The following PHACTR2 variants were observed in gnomAD, a reference collection of about 807,000 sequenced individuals.
PHACTR2 encodes phosphatase and actin regulator 2.
A neutral mutation model predicts 76.0 loss-of-function variants in PHACTR2; 30 were observed. The observed-to-expected ratio is 0.39, with a 90% CI of 0.30 to 0.54. The LOEUF (loss-of-function observed/expected upper bound fraction) is 0.54, where lower values mean the gene tolerates loss of function less well. Among genes scored for constraint, PHACTR2 ranks in the 20% least tolerant of loss-of-function variants. PHACTR2 has a pLI of 0.61. For missense variants in PHACTR2, 696 were observed against 781.1 expected (o/e 0.89, Z 1.30); for synonymous variants, 292 against 292.5 (o/e 1.00, Z 0.02).
rs1283090605 is a variant in PHACTR2 at position 143,689,094 on chromosome 6, G to C, written c.46+10885G>C. Among the ~76,000 whole-genome samples the C allele has an allele frequency of 6.6e-6, 1 of 152,120 alleles. No homozygotes were observed. The highest frequency in any genetic ancestry group is 1.5e-5 in the Non-Finnish European group (1 of 68,020). The stretch of plus-strand genomic sequence containing the variant: ...TTGGCCGTTGCTGCACCCTGTTTGA[G>C]ACACTCTTCCCTTCGCTCTTCGCCA... On this transcript the variant is annotated intron_variant, in intron 1 of 12. Transcript: ENST00000440869. This position sits in a 1 kb window ranked among gnomAD's most constrained non-coding sequence, Gnocchi z 4.4.
At position 143,767,031 on chromosome 6, in the gene PHACTR2, A is replaced by G. The variant is rs1779578100; in HGVS notation, c.1232+1233A>G. 6.6e-6 allele frequency among the ~76,000 whole-genome samples: 1 copy of G among 152,210 alleles called. No individual in the cohort carries two copies. The highest frequency in any genetic ancestry group is 2.1e-4 in the South Asian group (1 of 4,834). ...TGTTAGACTTAAAAAAAATTATTAC[A>G]TTAATTAGGTTGGTTTTGGTCAAGA... On this transcript the variant is annotated intron_variant, in intron 6 of 12. Coordinates refer to ENST00000440869, the MANE Select transcript of PHACTR2 (RefSeq NM_001100164.2). The surrounding 1 kb of genome is among the most constrained non-coding windows in gnomAD (Gnocchi z 4.4).
chr6:143,702,318 G>T (rs561738404), intron 1 of PHACTR2, among the ~76,000 whole-genome samples: 1 of 151,820 alleles, frequency 6.6e-6, no homozygotes, highest in Non-Finnish European at 1.5e-5. Context: ...CATGTTGGCC[G>T]GGATGGTCTC....
At chr6:143,714,863 A>C (rs1291368981) in intron 2 of PHACTR2, among the ~76,000 whole-genome samples, 2 of 151,536 alleles carry the variant, frequency 1.3e-5, no homozygotes, top group South Asian at 2.1e-4. Context: ...TTTTGCTTTG[A>C]TTTGATTTGA....
At position 143,596,333 on chromosome 6, in the gene PHACTR2, A is replaced by G. The variant is rs1191643632; in HGVS notation, c.217+59126A>G. On this transcript the variant is annotated intron_variant, in intron 1 of 11. Coordinates refer to the PHACTR2 transcript ENST00000367584. This position sits in a 1 kb window ranked among gnomAD's most constrained non-coding sequence, Gnocchi z 4.6. ...CTAACTAAGCGGGTCGTCCTTTCTC[A>G]GAAGGTTTATTTCTTGGTGGTGATC... 6.6e-6 allele frequency among the ~76,000 whole-genome samples: 1 copy of G among 151,594 alleles called. No individual in the cohort carries two copies. Among genetic ancestry groups the G allele is most frequent in the African/African-American group, 2.4e-5 (1 of 41,266 alleles).
rs1161720087 is a variant in PHACTR2, at chr6:143,795,134, C to T, written c.1845+6224C>T. 2.6e-5 allele frequency among the ~76,000 whole-genome samples: 4 copies of T among 152,088 alleles called. No individual in the cohort carries two copies. Among genetic ancestry groups the T allele is most frequent in the African/African-American group, 4.8e-5 (2 of 41,408 alleles). ...CACCTTTAAAATAAAATTTTCAGGT[C>T]GGGGCACAATGACTCACACTTGTAA... On this transcript the variant is annotated intron_variant, in intron 11 of 12. Transcript: ENST00000440869. The surrounding 1 kb of genome is among the most constrained non-coding windows in gnomAD (Gnocchi z 4.8).
At chr6:143,713,917 C>G (rs976094509) in intron 2 of PHACTR2, among the ~76,000 whole-genome samples, 1 of 152,084 alleles carries the variant, frequency 6.6e-6, no homozygotes, top group Non-Finnish European at 1.5e-5. Context: ...CGTACGAAAA[C>G]GAACATAAGA....
chr6:143,764,734 A>C lies in PHACTR2; in HGVS notation c.695-527A>C, dbSNP rs1393635871. ...AAAGCTGGTGTGGATTTTCTCTTTT[A>C]GCAGTAAGATGAGTGATTTTGTTTT... On this transcript the variant is annotated intron_variant, in intron 5 of 12. Coordinates refer to ENST00000440869, the MANE Select transcript of PHACTR2 (RefSeq NM_001100164.2). This position sits in a 1 kb window ranked among gnomAD's most constrained non-coding sequence, Gnocchi z 4.7. Among the ~76,000 whole-genome samples, 1 of 152,094 alleles carries C rather than the reference A, an allele frequency of 6.6e-6. No homozygotes were observed. Among genetic ancestry groups the C allele is most frequent in the Non-Finnish European group, 1.5e-5 (1 of 68,002 alleles).
intron 1 of PHACTR2, among the ~76,000 whole-genome samples, chr6:143,542,251 T>G (rs1395651446): frequency 2.0e-5 from 3 of 152,118 alleles, no homozygotes; most frequent in Non-Finnish European, 4.4e-5. Flanking sequence ...CACCCTTTTC[T>G]TTGCACAAAA....
chr6:143,564,183 A>ATG (rs1422717241), intron 1 of PHACTR2, among the ~76,000 whole-genome samples: 2 of 27,866 alleles, frequency 7.2e-5, no homozygotes, highest in African/African-American at 2.0e-4. Flanking sequence ...GTGTGTGTGT[A>ATG]TGTGTGTGTG....
At chr6:143,706,977 T>C (rs73778669) in intron 1 of PHACTR2, among the ~76,000 whole-genome samples, 3,292 of 152,274 alleles carry the variant, frequency 0.022, 113 homozygotes, top group African/African-American at 0.076. Flanking sequence ...ATTGTTTCAA[T>C]TGAGAGAGAG....
chr6:143,644,293 C>T (rs1421522101), intron 1 of PHACTR2, among the ~76,000 whole-genome samples: 1 of 151,858 alleles, frequency 6.6e-6, no homozygotes, highest in Non-Finnish European at 1.5e-5. Context: ...CGGTGAAACC[C>T]CATCTCTACT....
At chr6:143,813,700 A>G (rs1270287806) in intron 12 of PHACTR2, among the ~76,000 whole-genome samples, 2 of 151,262 alleles carry the variant, frequency 1.3e-5, no homozygotes, top group Admixed American at 1.3e-4. Context: ...GTGCTTTATT[A>G]TAGAGTGGGG....
intron 5 of PHACTR2, among the ~76,000 whole-genome samples, chr6:143,763,028 C>G (rs1389388962): frequency 6.6e-6 from 1 of 152,156 alleles, no homozygotes; most frequent in African/African-American, 2.4e-5. Context: ...TCTTTTTCCT[C>G]AAGCCAAACT....
intron 1 of PHACTR2, among the ~76,000 whole-genome samples, chr6:143,551,738 G>A (rs1286247200): frequency 1.3e-5 from 2 of 152,252 alleles, no homozygotes; most frequent in East Asian, 3.9e-4. Context: ...ATAGGGTTGA[G>A]GCTGCAATAA....
rs1373361495 is a variant in PHACTR2, at chr6:143,787,095, C to T, written c.1708-1678C>T. On this transcript the variant is annotated intron_variant, in intron 10 of 12. Transcript: ENST00000440869. This position sits in a 1 kb window ranked among gnomAD's most constrained non-coding sequence, Gnocchi z 4.6. ...ATACAAATCATCTTTCTCAATCCAG[C>T]TGGGCCCCTCCATGAGGCAGCAGTG... is the stretch of plus-strand genomic sequence containing the variant. 1.3e-5 allele frequency among the ~76,000 whole-genome samples: 2 copies of T among 152,320 alleles called. No homozygotes were observed. Among genetic ancestry groups the T allele is most frequent in the East Asian group, 3.9e-4 (2 of 5,186 alleles).
Position 143,743,195 on chromosome 6 carries a change from T to G in PHACTR2, c.215-5790T>G, listed in dbSNP as rs974462356. ...ACCCGAGAGGGATAGGGAAACAGTCTAAATTCTAGGAAGAAGGAACAATAC... is the reference window on the plus strand; with the variant it reads ...ACCCGAGAGGGATAGGGAAACAGTCGAAATTCTAGGAAGAAGGAACAATAC... On this transcript the variant is annotated intron_variant, in intron 2 of 12. Transcript: ENST00000440869. This position sits in a 1 kb window ranked among gnomAD's most constrained non-coding sequence, Gnocchi z 5.0. Among the ~76,000 whole-genome samples, 6 of 152,168 alleles carry G rather than the reference T, an allele frequency of 3.9e-5. No individual in the cohort carries two copies. Among genetic ancestry groups the G allele is most frequent in the African/African-American group, 1.4e-4 (6 of 41,446 alleles).
At position 143,647,834 on chromosome 6, in the gene PHACTR2, G is replaced by A. The variant is rs897531028; in HGVS notation, c.13+39512G>A. Among the ~76,000 whole-genome samples, 8 of 152,312 alleles carry A rather than the reference G, an allele frequency of 5.3e-5. No homozygotes were observed. The highest frequency in any genetic ancestry group is 3.3e-4 in the Admixed American group (5 of 15,300). On this transcript the variant is annotated intron_variant, in intron 1 of 11. Coordinates refer to the PHACTR2 transcript ENST00000305766. The surrounding 1 kb of genome is among the most constrained non-coding windows in gnomAD (Gnocchi z 4.2). ...GTGTGGCTGGAAAGGGCAGGTAAGG[G>A]AGAGCATAAGGGGAAATGGGCACAG...
chr6:143,690,195 G>A (rs1777612269), intron 1 of PHACTR2, among the ~76,000 whole-genome samples: 1 of 152,114 alleles, frequency 6.6e-6, no homozygotes, highest in Non-Finnish European at 1.5e-5. Flanking sequence ...TGTATTTAAC[G>A]AATCGCTTCT....
rs909204478 is a variant in PHACTR2, at chr6:143,625,229, G to C, written c.13+16907G>C. ...TTGCTGAGGGCATCATGTGACTATCGTTTAAAATACAGTCATGTATACGTA... is the reference window on the plus strand; with the variant it reads ...TTGCTGAGGGCATCATGTGACTATCCTTTAAAATACAGTCATGTATACGTA... On this transcript the variant is annotated intron_variant, in intron 1 of 11. Transcript: ENST00000305766. This position sits in a 1 kb window ranked among gnomAD's most constrained non-coding sequence, Gnocchi z 4.3. Among the ~76,000 whole-genome samples the C allele has an allele frequency of 2.0e-5, 3 of 151,940 alleles. No individual in the cohort carries two copies.
Sources: gnomAD v4.1 joint callset for allele counts (sites outside exome capture counted in the v4.1 genomes callset) on GRCh38, gnomAD v4.1.1 for gene constraint, Gnocchi (gnomAD v3.1) non-coding constraint, MANE v1.5 for transcripts, NCBI Gene and HGNC (gene_info 2026-07-23, HGNC 2026-07-21) for gene names.